Variants in SLC25A36 observed in about 807,000 individuals in gnomAD.
SLC25A36 encodes the protein epididymis secretory sperm binding protein.
In SLC25A36, 24 loss-of-function variants were observed where a neutral mutation model predicts 35.3. The observed-to-expected ratio is 0.68, with a 90% confidence interval of 0.49 to 0.96. The LOEUF (loss-of-function observed/expected upper bound fraction) is 0.96. Among genes scored for constraint, SLC25A36 ranks in the 40% least tolerant of loss-of-function variants. The pLI, the probability that SLC25A36 is intolerant of heterozygous loss-of-function variation, is 0.00. For missense variants in SLC25A36, 294 were observed against 381.1 expected, an observed-to-expected ratio of 0.77 and a Z score of 1.90; for synonymous variants, 141 against 132.2, an observed-to-expected ratio of 1.07 and a Z score of -0.46.
chr3:140,971,556 T>C (rs1008912655), intron 5 of SLC25A36, among the ~76,000 whole-genome samples: 4 of 152,176 alleles, frequency 2.6e-5, no homozygotes, highest in Admixed American at 6.6e-5. Context: ...TGGGGACTTA[T>C]TTTAAATGGA....
intron 6 of SLC25A36, 106 bp downstream of exon 6, chr3:140,974,111 A>G (rs1230572899): frequency 6.7e-6 from 5 of 743,016 alleles, no homozygotes; most frequent in Middle Eastern, 2.6e-4. Context: ...ACAAAATACA[A>G]TTATTGGGAG....
At chr3:140,964,640 C>T (rs1053519772) in intron 4 of SLC25A36, 3 of 151,776 alleles carry the variant, frequency 2.0e-5, no homozygotes, top group African/African-American at 7.2e-5. Flanking sequence ...TTATCAGGTT[C>T]TTTAAAAATA....
At chr3:140,949,450 A>G (rs545474553) in intron 1 of SLC25A36, among the ~76,000 whole-genome samples, 1 of 152,336 alleles carries the variant, frequency 6.6e-6, no homozygotes, top group South Asian at 2.1e-4. Context: ...ATATTAAACA[A>G]TTTTAAATAT....
chr3:140,978,247 G>C lies in SLC25A36; in HGVS notation c.*1794G>C, dbSNP rs975357404. On this transcript the variant is annotated 3_prime_UTR_variant, in exon 7 of 7. Coordinates refer to ENST00000324194, the MANE Select transcript of SLC25A36 (RefSeq NM_001104647.3). The stretch of plus-strand genomic sequence containing the variant: ...TATTTGGAGACCAAAGGCAAAATCA[G>C]TTTTCTTACCTTTGGAATTATTCGT... 1.9e-4 allele frequency: 29 copies of C among 152,172 alleles called. No individual in the cohort carries two copies. Among genetic ancestry groups the C allele is most frequent in the African/African-American group, 5.8e-4 (24 of 41,514 alleles). 9.4% of individuals were successfully genotyped at this position (152,172 alleles called of 1,614,324 possible).
chr3:140,944,147 T>C (rs1376924944), intron 1 of SLC25A36, among the ~76,000 whole-genome samples: 2 of 152,222 alleles, frequency 1.3e-5, no homozygotes, highest in African/African-American at 4.8e-5. Flanking sequence ...CCAGTATATT[T>C]TAAAAGAACC....
In SLC25A36 at chr3:140,980,911, G is replaced by A. The variant is rs560492204; in HGVS notation, c.*4458G>A. Among the ~76,000 whole-genome samples the A allele has an allele frequency of 3.1e-4, 47 of 152,186 alleles. 2 individuals carry two copies. In the South Asian group the frequency reaches 9.3e-3, roughly 30 times the overall value. ...TCAATTCAAGATTTATGTTCATAGA[G>A]TGCTGTGTTTATACAGTGGTGTCAT... On this transcript the variant is annotated 3_prime_UTR_variant, in exon 7 of 7. Coordinates refer to ENST00000324194, the MANE Select transcript of SLC25A36 (RefSeq NM_001104647.3).
intron 4 of SLC25A36, chr3:140,967,110 G>A: frequency 4.4e-6 from 2 of 449,748 alleles, no homozygotes; most frequent in East Asian, 1.4e-4. Flanking sequence ...GATAGCTGTG[G>A]AATTAGAAGG....
rs775729623 is a variant in SLC25A36, at chr3:140,956,490, G to A, written c.42-37G>A. 8 of 1,503,530 alleles carry A rather than the reference G, an allele frequency of 5.3e-6. No homozygotes were observed. In the East Asian group the frequency reaches 1.9e-4, roughly 36 times the overall value. 93.1% of individuals were successfully genotyped at this position (1,503,530 alleles called of 1,614,324 possible). Reference sequence around the variant, plus strand: ...GCATATATACTAACTTATGAATTAAGTAGATAAGCTGTGTTCTTTTTTTTT... The same window carrying A: ...GCATATATACTAACTTATGAATTAAATAGATAAGCTGTGTTCTTTTTTTTT... On this transcript the variant is annotated intron_variant, in intron 1 of 6. Coordinates refer to ENST00000324194, the MANE Select transcript of SLC25A36 (RefSeq NM_001104647.3).
At chr3:140,960,821 A>G (rs1019835105) in intron 3 of SLC25A36, among the ~76,000 whole-genome samples, 3 of 152,234 alleles carry the variant, frequency 2.0e-5, no homozygotes, top group East Asian at 3.8e-4. Flanking sequence ...CAAAGGAACT[A>G]ATAACTAAAG....
chr3:140,958,992 G>GTGTT (rs1559813339), intron 2 of SLC25A36, among the ~76,000 whole-genome samples: 1 of 137,592 alleles, frequency 7.3e-6, no homozygotes, highest in Non-Finnish European at 1.5e-5. Flanking sequence ...GTGTGTGTGT[G>GTGTT]TGTGTGTGTG....
At chr3:140,963,270 C>A in intron 4 of SLC25A36, 43 bp downstream of exon 4, 2 of 1,146,878 alleles carry the variant, frequency 1.7e-6, no homozygotes, top group East Asian at 2.6e-5. Flanking sequence ...CTTTCTGAAA[C>A]CTAGAGGCTT....
intron 4 of SLC25A36, among the ~76,000 whole-genome samples, chr3:140,970,200 A>G (rs190909404): frequency 2.5e-3 from 386 of 152,070 alleles, no homozygotes; most frequent in African/African-American, 7.3e-3. Flanking sequence ...ATAATACTTT[A>G]GTTTTAAAGT....
chr3:140,969,790 C>T (rs1934855139), intron 4 of SLC25A36, among the ~76,000 whole-genome samples: 1 of 151,840 alleles, frequency 6.6e-6, no homozygotes. Context: ...TATATTGTAG[C>T]ATTTCTGTTC....
chr3:140,959,840 G>A (rs1934583574), intron 3 of SLC25A36, among the ~76,000 whole-genome samples: 3 of 152,166 alleles, frequency 2.0e-5, no homozygotes, highest in Non-Finnish European at 4.4e-5. Flanking sequence ...GTTTCATAAT[G>A]TGAGGGAGAA....
intron 2 of SLC25A36, among the ~76,000 whole-genome samples, chr3:140,958,371 A>G (rs1374446313): frequency 6.6e-6 from 1 of 152,158 alleles, no homozygotes; most frequent in Non-Finnish European, 1.5e-5. Flanking sequence ...TGCTGGGCAT[A>G]TATGTATCTA....
intron 4 of SLC25A36, among the ~76,000 whole-genome samples, chr3:140,969,722 A>G (rs1051598176): frequency 3.3e-5 from 5 of 151,998 alleles, no homozygotes; most frequent in Admixed American, 3.3e-4. Context: ...TTTGAAAGCC[A>G]AGAAAGGTTT....
intron 4 of SLC25A36, chr3:140,964,479 T>C (rs748323587): frequency 1.3e-5 from 2 of 151,930 alleles, no homozygotes; most frequent in Non-Finnish European, 2.9e-5. Context: ...ATTAGTTCTT[T>C]CATTTAGTGT....
At chr3:140,965,100 T>C (rs189850684) in intron 4 of SLC25A36, 1 of 151,998 alleles carries the variant, frequency 6.6e-6, no homozygotes, top group Admixed American at 6.6e-5. Flanking sequence ...TGCAGTTACA[T>C]TGTTCTGAGA....
intron 4 of SLC25A36, among the ~76,000 whole-genome samples, chr3:140,969,109 A>G (rs1163139296): frequency 6.6e-6 from 1 of 151,802 alleles, no homozygotes; most frequent in Non-Finnish European, 1.5e-5. Flanking sequence ...TGACCAGAAT[A>G]TTGATGTCTG....
Sources: gnomAD v4.1 joint callset for allele counts (sites outside exome capture counted in the v4.1 genomes callset) on GRCh38, gnomAD v4.1.1 for gene constraint, MANE v1.5 for transcripts, NCBI Gene and HGNC (gene_info 2026-07-23, HGNC 2026-07-21) for gene names.